Variants in SLC36A1 observed in about 807,000 individuals in gnomAD.
SLC36A1 encodes solute carrier family 36 member 1.
Under a neutral mutation model 47.5 loss-of-function variants are expected in SLC36A1, and 30 were observed. That is an observed-to-expected ratio of 0.63 (90% CI 0.47 to 0.86). SLC36A1 has a LOEUF of 0.86. SLC36A1 is among the 40% of genes least tolerant of loss of function. SLC36A1 has a pLI of 0.00. For missense variants in SLC36A1, 517 were observed against 606.0 expected, an observed-to-expected ratio of 0.85 and a Z score of 1.54; for synonymous variants, 255 against 249.7, an observed-to-expected ratio of 1.02 and a Z score of -0.20.
intron 8 of SLC36A1, among the ~76,000 whole-genome samples, chr5:151,476,349 C>T (rs1269246790): frequency 2.0e-5 from 3 of 152,216 alleles, no homozygotes; most frequent in Non-Finnish European, 4.4e-5. Flanking sequence ...AGCCAGGAGT[C>T]CTGGGCTCGT....
At chr5:151,540,771 G>A in the SLC36A1 span, 5 of 1,609,522 alleles carry the variant, frequency 3.1e-6, no homozygotes, top group East Asian at 2.2e-5. Context: ...CCTCTAAACA[G>A]ATGGGGCAGA....
Position 151,491,119 on chromosome 5 carries a change from G to A in SLC36A1, c.*2865G>A, listed in dbSNP as rs1760079453. On this transcript the variant is annotated 3_prime_UTR_variant, in exon 11 of 11. Transcript: ENST00000243389. Reference sequence around the variant, plus strand: ...TTTCTCAGAGCCCCTTGGTGGTTCTGTCCTCCAAATGCTGCTGTTGGGAGC... The same window carrying A: ...TTTCTCAGAGCCCCTTGGTGGTTCTATCCTCCAAATGCTGCTGTTGGGAGC... 6.6e-6 allele frequency: 1 copy of A among 152,618 alleles called. No individual in the cohort carries two copies. The allele number at this position is 152,618 out of a possible 1,614,324, so 9.5% of individuals were successfully genotyped here.
chr5:151,467,926 G>A lies in SLC36A1; in HGVS notation c.723+1G>A. Reference sequence around the variant, plus strand: ...CATGATCTACCAGTTCATTGTTCAGGTACATGCCTAGGCCCTCTCCTATCA... The same window carrying A: ...CATGATCTACCAGTTCATTGTTCAGATACATGCCTAGGCCCTCTCCTATCA... On this transcript the variant is annotated splice_donor_variant, in intron 7 of 10. Transcript: ENST00000243389. LOFTEE classifies it high-confidence loss of function. The A allele has an allele frequency of 1.2e-6, 2 of 1,612,596 alleles. No individual in the cohort carries two copies. The highest frequency in any genetic ancestry group is 1.7e-6 in the Non-Finnish European group (2 of 1,179,256).
At chr5:151,466,899 G>T (rs1756475349) in intron 5 of SLC36A1, among the ~76,000 whole-genome samples, 3 of 152,096 alleles carry the variant, frequency 2.0e-5, no homozygotes, top group Non-Finnish European at 4.4e-5. Flanking sequence ...CAGACCAGTG[G>T]CACCTAGCAT....
chr5:151,537,265 C>T, the SLC36A1 span, among the ~76,000 whole-genome samples: 252 of 134,488 alleles, frequency 1.9e-3, 2 homozygotes, highest in African/African-American at 6.8e-3. Context: ...AATAAGAAGA[C>T]GATGGTGGTG....
chr5:151,393,403 T>G, the SLC36A1 span, among the ~76,000 whole-genome samples: 3 of 152,210 alleles, frequency 2.0e-5, no homozygotes, highest in African/African-American at 7.2e-5. Context: ...CCCATTTACA[T>G]TTAGGGTTAA....
chr5:151,488,203 C>A lies in SLC36A1; in HGVS notation c.1380C>A (p.Ile460=), dbSNP rs376351989. Residue 460 remains isoleucine, a synonymous_variant, in exon 11 of 11, where the codon ATC becomes ATA. Coordinates refer to ENST00000243389, the MANE Select transcript of SLC36A1 (RefSeq NM_078483.4). The part of the protein sequence containing the change: ...VGTYEALYEL[I]QPSNAPIFIN... Reference sequence around the variant, plus strand: ...CCTATGAGGCTCTCTATGAGCTGATCCAGCCAAGCAATGCTCCCATCTTCA... The same window carrying A: ...CCTATGAGGCTCTCTATGAGCTGATACAGCCAAGCAATGCTCCCATCTTCA... The A allele has an allele frequency of 6.2e-7, 1 of 1,614,054 alleles. No individual in the cohort carries two copies. Among genetic ancestry groups the A allele is most frequent in the African/African-American group, 1.3e-5 (1 of 74,920 alleles).
chr5:151,512,367 A>C, the SLC36A1 span: 2 of 1,614,240 alleles, frequency 1.2e-6, no homozygotes, highest in East Asian at 4.5e-5. The surrounding 1 kb of genome is among the most constrained non-coding windows in gnomAD (Gnocchi z 4.1). Flanking sequence ...CATTCGAGGA[A>C]GAATGCAACA....
At chr5:151,364,306 TA>T in the SLC36A1 span, among the ~76,000 whole-genome samples, 1 of 152,232 alleles carries the variant, frequency 6.6e-6, no homozygotes, top group Non-Finnish European at 1.5e-5. Flanking sequence ...CCAATATATT[TA>T]TTTTAAAAAA....
intron 1 of SLC36A1, among the ~76,000 whole-genome samples, chr5:151,437,939 G>A (rs1759868077): frequency 6.6e-6 from 1 of 151,898 alleles, no homozygotes; most frequent in Non-Finnish European, 1.5e-5. Flanking sequence ...TTGGCTCATG[G>A]CGTCTTCCTC....
At chr5:151,407,493 T>C in the SLC36A1 span, among the ~76,000 whole-genome samples, 3 of 150,780 alleles carry the variant, frequency 2.0e-5, no homozygotes, top group Admixed American at 1.3e-4. Context: ...AGAGCACTGA[T>C]TGGTGCATAT....
At chr5:151,376,552 A>G in the SLC36A1 span, among the ~76,000 whole-genome samples, 2 of 152,232 alleles carry the variant, frequency 1.3e-5, no homozygotes, top group South Asian at 4.1e-4. Flanking sequence ...TGATGTAGGC[A>G]TTTAACTCTA....
chr5:151,529,768 T>C, the SLC36A1 span, among the ~76,000 whole-genome samples: 2 of 152,330 alleles, frequency 1.3e-5, no homozygotes, highest in Middle Eastern at 6.8e-3. Context: ...AATAGGCAAG[T>C]GACTTGTCCA....
At chr5:151,529,169 G>T in the SLC36A1 span, 1 of 1,613,226 alleles carries the variant, frequency 6.2e-7, no homozygotes. Context: ...CAAGGTGGCA[G>T]ATCCTTACCG....
At chr5:151,526,548 A>G in the SLC36A1 span, among the ~76,000 whole-genome samples, 1 of 152,236 alleles carries the variant, frequency 6.6e-6, no homozygotes, top group Non-Finnish European at 1.5e-5. Context: ...AACAGAATCT[A>G]ATGGGCAGAA....
At chr5:151,430,439 C>T in the SLC36A1 span, among the ~76,000 whole-genome samples, 1 of 151,306 alleles carries the variant, frequency 6.6e-6, no homozygotes, top group South Asian at 2.1e-4. Context: ...TTCTCTGCCT[C>T]AGCCTCCTGA....
At chr5:151,495,176 C>T (rs572945272), downstream of SLC36A1, among the ~76,000 whole-genome samples, 1 of 152,296 alleles carries the variant, frequency 6.6e-6, no homozygotes, top group South Asian at 2.1e-4. Context: ...TTTAGCCCTT[C>T]TAATAGGTGT....
chr5:151,384,329 CAG>C, the SLC36A1 span, among the ~76,000 whole-genome samples: 78 of 152,310 alleles, frequency 5.1e-4, 1 homozygote, highest in Non-Finnish European at 1.0e-3. Flanking sequence ...AGGTCTGACT[CAG>C]GGTGCCTCCA....
chr5:151,447,345 T>C (rs960218095), upstream of SLC36A1, among the ~76,000 whole-genome samples: 2 of 152,142 alleles, frequency 1.3e-5, no homozygotes, highest in Non-Finnish European at 2.9e-5. Context: ...GTGTAAAAAT[T>C]AGCAATATTT....
Sources: allele counts gnomAD v4.1 joint callset (sites outside exome capture counted in the v4.1 genomes callset), GRCh38; gene constraint gnomAD v4.1.1; non-coding constraint Gnocchi (gnomAD v3.1); transcripts MANE v1.5; gene names NCBI Gene and HGNC (gene_info 2026-07-23, HGNC 2026-07-21).